SLC23A2: variants seen among roughly 807,000 people sequenced by gnomAD.
SLC23A2 encodes Na(+)/L-ascorbic acid transporter 2.
Under a neutral mutation model 73.3 loss-of-function variants are expected in SLC23A2, and 36 were observed. That is an observed-to-expected ratio of 0.49 (90% confidence interval 0.38 to 0.65). The LOEUF (loss-of-function observed/expected upper bound fraction) is 0.65. Ranked by LOEUF, SLC23A2 falls within the 30% of genes least tolerant of loss-of-function variation. SLC23A2 has a pLI of 0.00. For missense variants in SLC23A2, 507 were observed against 841.6 expected (o/e 0.60, Z 4.92); for synonymous variants, 343 against 327.3 (o/e 1.05, Z -0.52).
intron 2 of SLC23A2, among the ~76,000 whole-genome samples, chr20:4,942,891 C>T (rs541054633): frequency 5.5e-4 from 84 of 152,188 alleles, no homozygotes; most frequent in African/African-American, 1.9e-3. Flanking sequence ...ATGAATTAAT[C>T]ACTAATAGTC....
chr20:4,947,406 C>T lies in SLC23A2; in HGVS notation c.-154-14690G>A, dbSNP rs1385229042. On this transcript the variant is annotated intron_variant, in intron 2 of 16. Transcript: ENST00000338244. This position sits in a 1 kb window ranked among gnomAD's most constrained non-coding sequence, Gnocchi z 4.4. ...AGTTTTATTGCATTTATTTCTACTACGTGATTTAACACATCACTTTTTGCA... is the reference window on the plus strand; with the variant it reads ...AGTTTTATTGCATTTATTTCTACTATGTGATTTAACACATCACTTTTTGCA... 1.3e-5 allele frequency among the ~76,000 whole-genome samples: 2 copies of T among 152,218 alleles called. No individual in the cohort carries two copies. The highest frequency in any genetic ancestry group is 2.9e-5 in the Non-Finnish European group (2 of 68,042).
chr20:4,922,756 C>T (rs1008775745), intron 3 of SLC23A2, among the ~76,000 whole-genome samples: 9 of 151,822 alleles, frequency 5.9e-5, no homozygotes, highest in African/African-American at 9.7e-5. Context: ...TGCTTGAACC[C>T]GGGAGGCAGA....
At chr20:4,996,258 A>G (rs1472767294) in intron 1 of SLC23A2, among the ~76,000 whole-genome samples, 1 of 152,164 alleles carries the variant, frequency 6.6e-6, no homozygotes, top group African/African-American at 2.4e-5. Context: ...CATTCAACTT[A>G]GAAGATAGAG....
rs1162689213 is a variant in SLC23A2 at position 4,855,264 on chromosome 20, G to T, written c.*1708C>A. 6 of 152,352 alleles carry T rather than the reference G, an allele frequency of 3.9e-5. No homozygotes were observed. Among genetic ancestry groups the T allele is most frequent in the Non-Finnish European group, 8.8e-5 (6 of 68,138 alleles). 9.4% of individuals were successfully genotyped at this position (152,352 alleles called of 1,614,324 possible). ...GCAAAGACAGCGCCGCAGCACTGGA[G>T]AGCTGAGCCAGCCTGGGGCCGAGGG... On this transcript the variant is annotated 3_prime_UTR_variant, in exon 17 of 17. Transcript: ENST00000338244.
chr20:4,989,065 C>T (rs2122313439), intron 1 of SLC23A2, among the ~76,000 whole-genome samples: 2 of 151,254 alleles, frequency 1.3e-5, no homozygotes, highest in South Asian at 4.2e-4. Context: ...GTGGTGAAAC[C>T]CCATCTCTAC....
At position 4,904,895 on chromosome 20, in the gene SLC23A2, C is replaced by T. The variant is rs567399191; in HGVS notation, c.208-2337G>A. 2.6e-5 allele frequency among the ~76,000 whole-genome samples: 4 copies of T among 152,276 alleles called. No individual in the cohort carries two copies. The East Asian group carries it at 7.7e-4, about 29-fold the overall frequency. ...AGCACCTGCCAAGGCAGGTAGATCACCTGAGGTCAGGAGTTCAAGATTAGC... is the reference window on the plus strand; with the variant it reads ...AGCACCTGCCAAGGCAGGTAGATCATCTGAGGTCAGGAGTTCAAGATTAGC... On this transcript the variant is annotated intron_variant, in intron 4 of 16. Transcript: ENST00000338244.
chr20:4,990,915 T>C (rs1182884927), intron 1 of SLC23A2, among the ~76,000 whole-genome samples: 2 of 138,366 alleles, frequency 1.4e-5, no homozygotes, highest in Non-Finnish European at 3.0e-5. Context: ...GAGGTTGCAG[T>C]GAGCTGAGAT....
rs1929626446 is a variant in SLC23A2 at position 4,854,129 on chromosome 20, GACATTC to G, written c.*2837_*2842del. ...AACTGGAGACTAACCGGCCTGCAAG[GACATTC>G]ACATCCAAAATATTTTACAACACTC... is the stretch of plus-strand genomic sequence containing the variant. On this transcript the variant is annotated 3_prime_UTR_variant, in exon 17 of 17. Transcript: ENST00000338244. The G allele has an allele frequency of 6.6e-6, 1 of 152,162 alleles. No individual in the cohort carries two copies. The highest frequency in any genetic ancestry group is 2.4e-5 in the African/African-American group (1 of 41,448). The allele number at this position is 152,162 out of a possible 1,614,324, so 9.4% of individuals were successfully genotyped here.
intron 1 of SLC23A2, among the ~76,000 whole-genome samples, chr20:4,996,685 CAAAAAAAAA>C (rs1555809857): frequency 9.1e-5 from 5 of 54,772 alleles, no homozygotes; most frequent in African/African-American, 3.6e-4. Context: ...GATTCCATCT[CAAAAAAAAA>C]AAAAAAAAAA....
intron 11 of SLC23A2, among the ~76,000 whole-genome samples, chr20:4,873,345 A>T (rs1284425277): frequency 6.6e-6 from 1 of 152,122 alleles, no homozygotes; most frequent in East Asian, 1.9e-4. Context: ...GATCACCTAC[A>T]CGGGGCCAGC....
At chr20:4,988,734 C>A (rs1274332347) in intron 1 of SLC23A2, among the ~76,000 whole-genome samples, 124 of 125,094 alleles carry the variant, frequency 9.9e-4, no homozygotes, top group African/African-American at 1.5e-3. Context: ...GACTTCGTCT[C>A]AAAAAAAAAA....
chr20:4,975,858 CTTT>C (rs540235253), intron 1 of SLC23A2, among the ~76,000 whole-genome samples: 2 of 141,788 alleles, frequency 1.4e-5, no homozygotes, highest in Non-Finnish European at 1.6e-5. Flanking sequence ...TTCTTTCTTT[CTTT>C]TTTTTTTTTT....
At position 4,857,127 on chromosome 20, in the gene SLC23A2, A is replaced by G. The variant is rs774309263; in HGVS notation, c.1798T>C (p.Ser600Pro). The G allele has an allele frequency of 6.2e-7, 1 of 1,613,280 alleles. No individual in the cohort carries two copies. Among genetic ancestry groups the G allele is most frequent in the Non-Finnish European group, 8.5e-7 (1 of 1,179,770 alleles). ...TTCATGCCAAATGGCAAATTGTACG[A>G]CTCCATGCCGTCGAGTGATTTGTTC... ...KGNKSLDGME[S>P]YNLPFGMNII... Residue 600 changes from serine (S) to proline (P), a missense_variant, in exon 17 of 17, where the codon TCG (serine) becomes CCG (proline). By Grantham distance (74) the Ser-to-Pro change is moderately conservative. Around this residue, in one of 5 missense-constraint regions of SLC23A2, gnomAD observed 168 missense variants for 302.3 expected, o/e 0.56. Transcript: ENST00000338244. The surrounding 1 kb of genome is among the most constrained non-coding windows in gnomAD (Gnocchi z 4.0).
chr20:4,949,934 G>A (rs990006787), intron 2 of SLC23A2, among the ~76,000 whole-genome samples: 22 of 152,144 alleles, frequency 1.4e-4, no homozygotes, highest in African/African-American at 5.1e-4. Context: ...GCAACCCTGC[G>A]ATTGTCCTGG....
chr20:4,918,594 A>G (rs1932402806), intron 3 of SLC23A2, among the ~76,000 whole-genome samples: 2 of 152,094 alleles, frequency 1.3e-5, no homozygotes, highest in Admixed American at 1.3e-4. Context: ...AGCAGGAGTG[A>G]CAGAAGTCAT....
intron 2 of SLC23A2, among the ~76,000 whole-genome samples, chr20:4,953,900 T>C (rs959696750): frequency 7.9e-5 from 12 of 151,516 alleles, no homozygotes; most frequent in Non-Finnish European, 1.6e-4. Context: ...AATAGATAAA[T>C]AAAAATAAAA....
chr20:4,912,819 G>A, intron 4 of SLC23A2, 61 bp downstream of exon 4: 1 of 1,061,018 alleles, frequency 9.4e-7, no homozygotes, highest in East Asian at 2.4e-5. Context: ...CCAGATCCGG[G>A]GCAGCACTTG....
At chr20:4,932,820 T>C in intron 2 of SLC23A2, 104 bp from the exon 3 acceptor site, 1 of 340,410 alleles carries the variant, frequency 2.9e-6, no homozygotes, top group East Asian at 5.2e-5. Flanking sequence ...CTACACATTA[T>C]ACCCAAGCAT....
intron 2 of SLC23A2, among the ~76,000 whole-genome samples, chr20:4,956,560 C>G (rs1390682916): frequency 6.6e-6 from 1 of 152,090 alleles, no homozygotes; most frequent in Non-Finnish European, 1.5e-5. Flanking sequence ...TGTTCTTACT[C>G]TTGTAGCAAC....
Sources: allele counts gnomAD v4.1 joint callset (sites outside exome capture counted in the v4.1 genomes callset), GRCh38; gene constraint gnomAD v4.1.1; regional missense constraint gnomAD v4.1.1; non-coding constraint Gnocchi (gnomAD v3.1); transcripts MANE v1.5; gene names NCBI Gene and HGNC (gene_info 2026-07-23, HGNC 2026-07-21).